Variants in BDP1 observed in about 807,000 individuals in gnomAD.
BDP1 encodes the protein transcription factor TFIIIB component B'' homolog.
BDP1 carries 169 observed loss-of-function variants against 266.6 expected under a neutral mutation model. The observed-to-expected ratio is 0.63, with a 90% CI of 0.56 to 0.72. The LOEUF is 0.72. Ranked by LOEUF, BDP1 falls within the 30% of genes least tolerant of loss-of-function variation. The pLI, the probability that BDP1 is intolerant of heterozygous loss-of-function variation, is 0.00. For missense variants in BDP1, 3,015 were observed against 3,053.8 expected, an observed-to-expected ratio of 0.99 and a Z score of 0.30; for synonymous variants, 1,090 against 1,022.4, an observed-to-expected ratio of 1.07 and a Z score of -1.26.
Position 71,560,126 on chromosome 5 carries a change from A to G in BDP1, c.7385A>G (p.Gln2462Arg). 1 of 1,614,200 alleles carries G rather than the reference A, an allele frequency of 6.2e-7. No homozygotes were observed. The highest frequency in any genetic ancestry group is 8.5e-7 in the Non-Finnish European group (1 of 1,180,022). ...PDACMDKNVP[Q>R]LPQDEMIVSD... ...GCATGCATGGACAAGAATGTGCCTC[A>G]GTTACCTCAGGATGAAATGATTGTG... Residue 2462 changes from glutamine to arginine, a missense_variant, in exon 37 of 39, where the codon CAG becomes CGG. Transcript: ENST00000358731.
chr5:71,510,371 A>G lies in BDP1; in HGVS notation c.3279A>G (p.Glu1093=). The change falls in exon 17 of 39, where the codon GAA becomes GAG. Residue 1093 remains glutamate, a synonymous_variant. Coordinates refer to ENST00000358731, the MANE Select transcript of BDP1 (RefSeq NM_018429.3). ...AGGAAATAGAGATAGATTTGGAAGA[A>G]ACTGAAAGAGAAATATCCCCACAGG... is the stretch of plus-strand genomic sequence containing the variant. ...AIEEIEIDLE[E]TEREISPQEN... is the part of the protein sequence containing the mutation. 3 of 1,613,914 alleles carry G rather than the reference A, an allele frequency of 1.9e-6. No individual in the cohort carries two copies. The highest frequency in any genetic ancestry group is 2.5e-6 in the Non-Finnish European group (3 of 1,179,956).
intron 8 of BDP1, 24 bp from the exon 9 acceptor site, chr5:71,486,460 G>GT: frequency 6.5e-7 from 1 of 1,528,458 alleles, no homozygotes; most frequent in Non-Finnish European, 8.7e-7. Context: ...AAACTTGAAA[G>GT]TTCTTTTCCT....
intron 7 of BDP1, among the ~76,000 whole-genome samples, chr5:71,482,037 A>T (rs752165984): frequency 2.0e-5 from 3 of 152,164 alleles, no homozygotes; most frequent in Non-Finnish European, 2.9e-5. Flanking sequence ...TTCCATTAGG[A>T]TGCACCTGAA....
At chr5:71,558,059 T>C (rs1743352232) in intron 36 of BDP1, among the ~76,000 whole-genome samples, 1 of 152,214 alleles carries the variant, frequency 6.6e-6, no homozygotes, top group Non-Finnish European at 1.5e-5. Context: ...CTGTTTTTCA[T>C]TTCTTTTATG....
At position 71,513,320 on chromosome 5, in the gene BDP1, A is replaced by G; in HGVS notation, c.4383A>G (p.Ile1461Met). 1 of 1,608,208 alleles carries G rather than the reference A, an allele frequency of 6.2e-7. No homozygotes were observed. The highest frequency in any genetic ancestry group is 8.5e-7 in the Non-Finnish European group (1 of 1,176,480). Residue 1461 changes from isoleucine (I) to methionine (M), a missense_variant, in exon 19 of 39, where the codon ATA becomes ATG. This residue lies in a region of BDP1 where 2,383 missense variants were observed against 2,404.9 expected (regional missense o/e 0.99). Transcript: ENST00000358731. ...KRETTESEKYIYEKKSETKKM... is the reference protein window; with the variant it reads ...KRETTESEKYMYEKKSETKKM... ...AGACTACAGAATCAGAAAAATATAT[A>G]TATGAGAAGAAATCAGAAACCAAGA...
At chr5:71,540,126 C>G (rs1237175900) in intron 28 of BDP1, among the ~76,000 whole-genome samples, 2 of 152,006 alleles carry the variant, frequency 1.3e-5, no homozygotes, top group East Asian at 3.9e-4. Context: ...TGGACAGAGC[C>G]AAAAGATATA....
intron 26 of BDP1, among the ~76,000 whole-genome samples, chr5:71,538,305 T>A (rs1277738475): frequency 1.3e-5 from 2 of 152,158 alleles, no homozygotes; most frequent in Non-Finnish European, 2.9e-5. Flanking sequence ...CCTACTCCCC[T>A]AGGGAAAAAT....
At chr5:71,497,677 T>C (rs1763976546) in intron 13 of BDP1, among the ~76,000 whole-genome samples, 1 of 152,330 alleles carries the variant, frequency 6.6e-6, no homozygotes, top group Admixed American at 6.5e-5. Flanking sequence ...TTCTATAAAA[T>C]TTTTATTTAA....
Position 71,556,890 on chromosome 5 carries a change from A to T in BDP1, c.7205A>T (p.His2402Leu), listed in dbSNP as rs1706053688. The part of the protein sequence containing the change: ...DDCQEYTTEV[H>L]SKELTNVFEE... ...TTTTAAATTTTCTTAAAATAGGTGC[A>T]CTCAAAGGAATTAACAAATGTTTTT... Residue 2402 changes from histidine (H) to leucine (L), a missense_variant, in exon 36 of 39, where the codon CAC (histidine) becomes CTC (leucine). Physicochemically the swap from His to Leu is moderately conservative, Grantham distance 99. Transcript: ENST00000358731. 3 of 1,426,110 alleles carry T rather than the reference A, an allele frequency of 2.1e-6. No homozygotes were observed. The South Asian group carries it at 4.4e-5, about 21-fold the overall frequency. The allele number at this position is 1,426,110 out of a possible 1,614,324, so 88.3% of individuals were successfully genotyped here.
At chr5:71,464,008 A>G (rs1761736448) in intron 3 of BDP1, 50 bp from the exon 4 acceptor site, 1 of 1,060,692 alleles carries the variant, frequency 9.4e-7, no homozygotes, top group Non-Finnish European at 1.4e-6. Context: ...TAGAATTGGG[A>G]AGATATAAAT....
chr5:71,531,132 G>T (rs940958592), intron 25 of BDP1, among the ~76,000 whole-genome samples: 1 of 152,032 alleles, frequency 6.6e-6, no homozygotes, highest in African/African-American at 2.4e-5. Flanking sequence ...TTTACTCACA[G>T]TTTCTACTCA....
chr5:71,574,743 G>C, the BDP1 span, among the ~76,000 whole-genome samples: 2 of 152,170 alleles, frequency 1.3e-5, no homozygotes, highest in African/African-American at 4.8e-5. Context: ...AGAATATATT[G>C]CTCAATTATT....
chr5:71,526,017 C>T (rs1765842788), intron 25 of BDP1, among the ~76,000 whole-genome samples: 1 of 152,114 alleles, frequency 6.6e-6, no homozygotes, highest in South Asian at 2.1e-4. Context: ...CAGAGACGCT[C>T]CTCACTTCCC....
At chr5:71,473,208 CTAAG>C (rs1239979843) in intron 7 of BDP1, among the ~76,000 whole-genome samples, 1 of 147,618 alleles carries the variant, frequency 6.8e-6, no homozygotes, top group African/African-American at 2.5e-5. Flanking sequence ...ATTCATCTTG[CTAAG>C]TGTTTATTAA....
At chr5:71,559,360 T>C (rs1447890726) in intron 36 of BDP1, among the ~76,000 whole-genome samples, 1 of 152,212 alleles carries the variant, frequency 6.6e-6, no homozygotes, top group Non-Finnish European at 1.5e-5. Context: ...ATGCTATCTT[T>C]AATTAGGTTG....
chr5:71,513,504 T>C, intron 19 of BDP1, 97 bp downstream of exon 19: 1 of 750,038 alleles, frequency 1.3e-6, no homozygotes, highest in South Asian at 1.9e-5. Flanking sequence ...ATTCTACAAA[T>C]ATTTCTGTGT....
rs879465844 is a variant in BDP1, at chr5:71,530,402, A to AT, written c.5773-1896dup. On this transcript the variant is annotated intron_variant, in intron 25 of 38. Transcript: ENST00000358731. The stretch of plus-strand genomic sequence containing the variant: ...GGTGCACAACCACCACACCCGGCTA[A>AT]TTTTTTTTTTATTTTATTTTCAATA... 1.8e-3 allele frequency among the ~76,000 whole-genome samples: 272 copies of AT among 149,466 alleles called. 3 individuals are homozygous for AT. The highest frequency in any genetic ancestry group is 0.011 in the Admixed American group (166 of 14,990).
intron 18 of BDP1, 108 bp from the exon 19 acceptor site, chr5:71,513,077 A>C: frequency 2.8e-6 from 2 of 709,080 alleles, no homozygotes; most frequent in East Asian, 5.7e-5. Flanking sequence ...AAAAAAAAAA[A>C]AAAAAAAAAA....
chr5:71,536,420 A>G (rs1438657608), intron 26 of BDP1, among the ~76,000 whole-genome samples: 2 of 152,214 alleles, frequency 1.3e-5, no homozygotes, highest in African/African-American at 4.8e-5. Flanking sequence ...AGTCTTTCAC[A>G]GCACATTAAC....
Sources: gnomAD v4.1 joint callset for allele counts (sites outside exome capture counted in the v4.1 genomes callset) on GRCh38, gnomAD v4.1.1 for gene constraint, gnomAD v4.1.1 regional missense constraint, MANE v1.5 for transcripts, NCBI Gene and HGNC (gene_info 2026-07-23, HGNC 2026-07-21) for gene names.